Variants in MGST2 observed in about 807,000 individuals in gnomAD.
The protein encoded by MGST2 is microsomal glutathione S-transferase 2.
A neutral mutation model predicts 16.6 loss-of-function variants in MGST2; 9 were observed. That is an observed-to-expected ratio of 0.54 (90% CI 0.33 to 0.95). The LOEUF is 0.95. Ranked by LOEUF, MGST2 falls within the 40% of genes least tolerant of loss-of-function variation. The pLI is 0.03. For missense variants in MGST2, 159 were observed against 175.1 expected, an observed-to-expected ratio of 0.91 and a Z score of 0.52; for synonymous variants, 79 against 68.0, an observed-to-expected ratio of 1.16 and a Z score of -0.79.
chr4:139,691,255 G>A (rs766267774), intron 2 of MGST2, among the ~76,000 whole-genome samples: 1 of 152,190 alleles, frequency 6.6e-6, no homozygotes, highest in Admixed American at 6.5e-5. Context: ...ACTGCAGGCT[G>A]TTTGCTGTTC....
intron 3 of MGST2, among the ~76,000 whole-genome samples, chr4:139,703,116 A>G (rs1318886359): frequency 6.6e-6 from 1 of 151,280 alleles, no homozygotes; most frequent in Non-Finnish European, 1.5e-5. Context: ...AGTAGAGACG[A>G]GGTTTCACAA....
At chr4:139,704,774 T>C (rs1727454607), downstream of MGST2, among the ~76,000 whole-genome samples, 1 of 151,958 alleles carries the variant, frequency 6.6e-6, no homozygotes, top group African/African-American at 2.4e-5. Flanking sequence ...TACAAAAAAT[T>C]AGCCGGGCAT....
chr4:139,698,059 A>G, intron 3 of MGST2: 1 of 828,118 alleles, frequency 1.2e-6, no homozygotes, highest in Non-Finnish European at 1.9e-6. Context: ...GAAAAAAATT[A>G]TCTAACGTTC....
chr4:139,720,088 A>C (rs888537005), intron 5 of MGST2: 4 of 1,613,916 alleles, frequency 2.5e-6, no homozygotes, highest in Admixed American at 3.3e-5. Context: ...TTTGGTTTGG[A>C]TGCTGCAACA....
At chr4:139,704,360 A>C, downstream of MGST2, 1 of 585,020 alleles carries the variant, frequency 1.7e-6, no homozygotes, top group East Asian at 3.3e-5. Context: ...GTTGTGCCCT[A>C]GTTTTAGAAA....
chr4:139,706,823 A>G (rs1301201220), downstream of MGST2, among the ~76,000 whole-genome samples: 1 of 152,160 alleles, frequency 6.6e-6, no homozygotes, highest in Non-Finnish European at 1.5e-5. Context: ...CAACCTTTTG[A>G]TTATTTTCAT....
At chr4:139,705,732 G>A (rs1261039187), downstream of MGST2, 3 of 152,178 alleles carry the variant, frequency 2.0e-5, no homozygotes, top group Non-Finnish European at 4.4e-5. Flanking sequence ...AGGAAGGTGG[G>A]TCATGCTCAC....
At chr4:139,738,364 T>C (rs1381637435) in intron 5 of MGST2, among the ~76,000 whole-genome samples, 1 of 152,136 alleles carries the variant, frequency 6.6e-6, no homozygotes, top group East Asian at 1.9e-4. Flanking sequence ...GCCAACATGG[T>C]GAAACCCCAT....
chr4:139,720,230 C>T (rs754885476), intron 5 of MGST2: 1 of 1,611,328 alleles, frequency 6.2e-7, no homozygotes, highest in Non-Finnish European at 8.5e-7. Flanking sequence ...GGGTCCTATT[C>T]CCATCATGCC....
intron 2 of MGST2, among the ~76,000 whole-genome samples, chr4:139,692,120 G>A (rs1296927734): frequency 6.6e-6 from 1 of 152,212 alleles, no homozygotes; most frequent in Non-Finnish European, 1.5e-5. Context: ...GAGCACAGCT[G>A]GGACGTGAGG....
intron 5 of MGST2, among the ~76,000 whole-genome samples, chr4:139,727,803 C>T (rs1728537547): frequency 6.6e-6 from 1 of 152,206 alleles, no homozygotes; most frequent in South Asian, 2.1e-4. Context: ...TCTGTTTTCC[C>T]TCACATGTCC....
downstream of MGST2, among the ~76,000 whole-genome samples, chr4:139,708,106 G>T (rs1183345995): frequency 3.3e-5 from 5 of 152,174 alleles, no homozygotes; most frequent in African/African-American, 1.2e-4. Context: ...ATTGCTTTTG[G>T]TGTTTTAGAC....
intron 1 of MGST2, among the ~76,000 whole-genome samples, chr4:139,673,771 CT>C (rs1176316235): frequency 6.6e-6 from 1 of 152,168 alleles, no homozygotes; most frequent in Admixed American, 6.6e-5. Flanking sequence ...TCTTGAACTC[CT>C]AGTCTCAAGT....
At chr4:139,729,156 C>CAAAAAAAAA (rs4057275) in intron 5 of MGST2, among the ~76,000 whole-genome samples, 9 of 81,704 alleles carry the variant, frequency 1.1e-4, no homozygotes, top group Non-Finnish European at 1.6e-4. Flanking sequence ...GGAACAAAAG[C>CAAAAAAAAA]AAAAAAAAAA....
intron 5 of MGST2, among the ~76,000 whole-genome samples, chr4:139,733,237 T>C (rs1728795048): frequency 6.6e-6 from 1 of 152,252 alleles, no homozygotes; most frequent in South Asian, 2.1e-4. Context: ...GTATATTTGA[T>C]ACTTTCCAGT....
At chr4:139,709,897 G>A (rs1032164449) in intron 5 of MGST2, among the ~76,000 whole-genome samples, 4 of 152,186 alleles carry the variant, frequency 2.6e-5, no homozygotes, top group Non-Finnish European at 5.9e-5. Flanking sequence ...CATGAAATGA[G>A]GCAGGTGTCT....
chr4:139,673,770 C>G (rs1378969583), intron 1 of MGST2, among the ~76,000 whole-genome samples: 2 of 152,202 alleles, frequency 1.3e-5, no homozygotes, highest in African/African-American at 2.4e-5. Flanking sequence ...GTCTTGAACT[C>G]CTAGTCTCAA....
At chr4:139,685,525 T>C (rs1471389511) in intron 2 of MGST2, 2 of 152,132 alleles carry the variant, frequency 1.3e-5, no homozygotes, top group African/African-American at 4.8e-5. Context: ...GCTTCAGAAG[T>C]GAGAAGAAAT....
downstream of MGST2, among the ~76,000 whole-genome samples, chr4:139,744,723 G>A (rs1457690997): frequency 6.6e-6 from 1 of 152,180 alleles, no homozygotes; most frequent in Non-Finnish European, 1.5e-5. Flanking sequence ...CTGTCCTGGA[G>A]GGAGACTGAA....
Sources: allele counts gnomAD v4.1 joint callset (sites outside exome capture counted in the v4.1 genomes callset), GRCh38; gene constraint gnomAD v4.1.1; transcripts MANE v1.5; gene names NCBI Gene and HGNC (gene_info 2026-07-23, HGNC 2026-07-21).